The following FOXO3 variants were observed in gnomAD, a reference collection of about 807,000 sequenced individuals.
FOXO3 encodes the protein forkhead box O3.
In FOXO3, 4 loss-of-function variants were observed where a neutral mutation model predicts 41.9. The observed-to-expected ratio is 0.10, with a 90% CI of 0.05 to 0.22. The LOEUF is 0.22. Ranked by LOEUF, FOXO3 falls within the 10% of genes least tolerant of loss-of-function variation. The pLI is 1.00. For synonymous variants in FOXO3, 318 were observed against 389.3 expected (o/e 0.82, Z 2.16); for missense variants, 534 against 906.8 (o/e 0.59, Z 5.28).
rs372601665 is a variant in FOXO3, at chr6:108,578,889, G to A, written c.621+17060G>A. 1.8e-4 allele frequency among the ~76,000 whole-genome samples: 27 copies of A among 152,248 alleles called. No individual in the cohort carries two copies. The South Asian group carries it at 3.7e-3, about 21-fold the overall frequency. ...ACCTCGGCTCAGGATCCTAAAAGGC[G>A]CACGACCTCTTGCACCACAGGTGGA... On this transcript the variant is annotated intron_variant, in intron 1 of 2. Coordinates refer to ENST00000406360, the MANE Select transcript of FOXO3 (RefSeq NM_001455.4).
chr6:108,666,768 A>G (rs1779074188), intron 2 of FOXO3, among the ~76,000 whole-genome samples: 1 of 152,114 alleles, frequency 6.6e-6, no homozygotes, highest in Non-Finnish European at 1.5e-5. Flanking sequence ...CAGATGATAG[A>G]CAAGCTTTCC....
At chr6:108,656,462 T>C in intron 1 of FOXO3, 3 of 985,432 alleles carry the variant, frequency 3.0e-6, no homozygotes, top group Non-Finnish European at 3.6e-6. Flanking sequence ...GAAATACTTT[T>C]TTAAAGTTTG....
At chr6:108,678,493 CT>C (rs11417953) in intron 2 of FOXO3, among the ~76,000 whole-genome samples, 22,298 of 143,578 alleles carry the variant, frequency 0.16, 1,771 homozygotes, top group South Asian at 0.3. Flanking sequence ...TATGAATATA[CT>C]TTTTTTTTTT....
intron 1 of FOXO3, among the ~76,000 whole-genome samples, chr6:108,574,111 C>CCACTGCACTTCAGCCTGGGCG (rs1776192324): frequency 6.6e-6 from 1 of 150,880 alleles, no homozygotes; most frequent in Non-Finnish European, 1.5e-5. Context: ...TGAGATCACG[C>CCACTGCACTTCAGCCTGGGCG]CACTGCACTT....
chr6:108,647,467 A>G (rs1346136161), intron 1 of FOXO3, among the ~76,000 whole-genome samples: 1 of 152,210 alleles, frequency 6.6e-6, no homozygotes, highest in African/African-American at 2.4e-5. Context: ...ATCACAGCAA[A>G]TTAACAGAAT....
At chr6:108,656,101 GA>G (rs1778677906) in intron 1 of FOXO3, among the ~76,000 whole-genome samples, 2 of 148,862 alleles carry the variant, frequency 1.3e-5, no homozygotes, top group South Asian at 4.2e-4. Flanking sequence ...TGCTGCTCCA[GA>G]CAGTCCTCCT....
At chr6:108,606,007 T>C (rs1276008017) in intron 1 of FOXO3, among the ~76,000 whole-genome samples, 1 of 152,204 alleles carries the variant, frequency 6.6e-6, no homozygotes, top group Non-Finnish European at 1.5e-5. Flanking sequence ...GTAAAATGCT[T>C]TGGAGGTTTT....
chr6:108,574,767 A>T (rs1356465653), intron 1 of FOXO3, among the ~76,000 whole-genome samples: 1 of 152,240 alleles, frequency 6.6e-6, no homozygotes, highest in Admixed American at 6.5e-5. Flanking sequence ...GGCCACAGGA[A>T]GGCAGTGCCG....
intron 1 of FOXO3, among the ~76,000 whole-genome samples, chr6:108,635,269 T>C (rs936497287): frequency 9.2e-5 from 14 of 152,158 alleles, no homozygotes; most frequent in African/African-American, 3.1e-4. Context: ...TACTGTGGCC[T>C]GGGCAACAGA....
intron 1 of FOXO3, among the ~76,000 whole-genome samples, chr6:108,573,566 G>A (rs563511119): frequency 1.4e-4 from 21 of 152,302 alleles, no homozygotes; most frequent in African/African-American, 4.6e-4. Context: ...AGTGGTTCAC[G>A]CCTGTAATAC....
At chr6:108,600,144 T>C (rs1463419364) in intron 1 of FOXO3, among the ~76,000 whole-genome samples, 1 of 152,162 alleles carries the variant, frequency 6.6e-6, no homozygotes, top group Non-Finnish European at 1.5e-5. Flanking sequence ...AAGACTACTT[T>C]AGTGACTACT....
chr6:108,566,039 T>C (rs1294255110), intron 1 of FOXO3, among the ~76,000 whole-genome samples: 1 of 152,174 alleles, frequency 6.6e-6, no homozygotes, highest in African/African-American at 2.4e-5. Context: ...CCTTTGGCAA[T>C]AGTGTCTTCG....
At chr6:108,676,758 T>C (rs1228137355) in intron 2 of FOXO3, among the ~76,000 whole-genome samples, 1 of 152,218 alleles carries the variant, frequency 6.6e-6, no homozygotes, top group Non-Finnish European at 1.5e-5. Context: ...CCCTCTACTC[T>C]TTCTGTCCTT....
At position 108,561,545 on chromosome 6, in the gene FOXO3, G is replaced by A. The variant is rs551760602; in HGVS notation, c.337G>A (p.Ala113Thr). The change falls in exon 1 of 3, where the codon GCC becomes ACC. Residue 113 changes from alanine to threonine, a missense_variant. Physicochemically the swap from Ala to Thr is moderately conservative, Grantham distance 58. Coordinates refer to ENST00000406360, the MANE Select transcript of FOXO3 (RefSeq NM_001455.4). ...AGGGCAAGACCCCGGGTCTGGGCCAGCCACCGCGGCGGGCGGGCTGAGCGG... is the reference window on the plus strand; with the variant it reads ...AGGGCAAGACCCCGGGTCTGGGCCAACCACCGCGGCGGGCGGGCTGAGCGG... ...PGGQDPGSGP[A>T]TAAGGLSGGT... 2.5e-5 allele frequency: 36 copies of A among 1,436,512 alleles called. No homozygotes were observed. In the South Asian group the frequency reaches 5.1e-4, roughly 20 times the overall value. 89.0% of individuals were successfully genotyped at this position (1,436,512 alleles called of 1,614,324 possible). A position where few individuals can be genotyped will look rare whatever the true frequency, so the allele number is the denominator to read the frequency against.
At chr6:108,645,673 A>G (rs1778375909) in intron 1 of FOXO3, among the ~76,000 whole-genome samples, 1 of 152,176 alleles carries the variant, frequency 6.6e-6, no homozygotes, top group African/African-American at 2.4e-5. Context: ...CATACAAGTC[A>G]TTCACTGAAA....
In FOXO3 at chr6:108,561,893, C is replaced by T. The variant is rs945560177; in HGVS notation, c.621+64C>T. 6.8e-6 allele frequency: 10 copies of T among 1,479,294 alleles called. No homozygotes were observed. The East Asian group carries it at 7.9e-5, about 12-fold the overall frequency. The allele number at this position is 1,479,294 out of a possible 1,614,324, so 91.6% of individuals were successfully genotyped here. A position where few individuals can be genotyped will look rare whatever the true frequency, so the allele number is the denominator to read the frequency against. On this transcript the variant is annotated intron_variant, in intron 1 of 2. Transcript: ENST00000406360. ...GCCTCCTGCGCAGCGCGAGACGCGTCTCGGATTCGTCGGAGTGCGCTTGCG... is the reference window on the plus strand; with the variant it reads ...GCCTCCTGCGCAGCGCGAGACGCGTTTCGGATTCGTCGGAGTGCGCTTGCG...
At chr6:108,623,265 C>T (rs1324542264) in intron 1 of FOXO3, among the ~76,000 whole-genome samples, 1 of 152,116 alleles carries the variant, frequency 6.6e-6, no homozygotes, top group East Asian at 1.9e-4. Flanking sequence ...ATAAGTTGGC[C>T]TCTTTTCATG....
At chr6:108,672,136 C>T (rs1054407992) in intron 2 of FOXO3, among the ~76,000 whole-genome samples, 3 of 152,194 alleles carry the variant, frequency 2.0e-5, no homozygotes, top group Non-Finnish European at 4.4e-5. Flanking sequence ...TCTTTGTCTT[C>T]CCAATGCCGG....
Position 108,684,176 on chromosome 6 carries a change from C to G in FOXO3, c.*4384C>G, listed in dbSNP as rs1770977480. On this transcript the variant is annotated 3_prime_UTR_variant, in exon 3 of 3. Transcript: ENST00000406360. ...TGGTCACTTATTTCTCTAAAATTAT[C>G]TCATTGCCTGGCAATCAGTCTTCTC... The G allele has an allele frequency of 6.6e-6, 1 of 152,534 alleles. No homozygotes were observed. The highest frequency in any genetic ancestry group is 2.1e-4 in the South Asian group (1 of 4,826). 9.4% of individuals were successfully genotyped at this position (152,534 alleles called of 1,614,324 possible).
Sources: allele counts gnomAD v4.1 joint callset (sites outside exome capture counted in the v4.1 genomes callset), GRCh38; gene constraint gnomAD v4.1.1; transcripts MANE v1.5; gene names NCBI Gene and HGNC (gene_info 2026-07-23, HGNC 2026-07-21).